The following LPCAT2 variants were observed in gnomAD, a reference collection of about 807,000 sequenced individuals.
LPCAT2 encodes the protein 1-AGP acyltransferase 11.
A neutral mutation model predicts 64.7 loss-of-function variants in LPCAT2; 58 were observed. The ratio of observed to expected loss-of-function variants is 0.90; its 90% confidence interval spans 0.73 to 1.12. LPCAT2 has a LOEUF of 1.12. Ranked by LOEUF, LPCAT2 falls within the 50% of genes most tolerant of loss-of-function variation. The pLI, the probability that LPCAT2 is intolerant of heterozygous loss-of-function variation, is 0.00. For missense variants in LPCAT2, 579 were observed against 669.8 expected, an observed-to-expected ratio of 0.86 and a Z score of 1.50; for synonymous variants, 252 against 245.3, an observed-to-expected ratio of 1.03 and a Z score of -0.26.
chr16:55,579,341 T>TGTC, intron 13 of LPCAT2, 97 bp downstream of exon 13: 1 of 1,138,642 alleles, frequency 8.8e-7, no homozygotes, highest in South Asian at 1.6e-5. Context: ...ACTAATTACA[T>TGTC]TAATAATAGA....
intron 1 of LPCAT2, among the ~76,000 whole-genome samples, chr16:55,524,482 A>T (rs1963140846): frequency 6.6e-6 from 1 of 152,014 alleles, no homozygotes; most frequent in African/African-American, 2.4e-5. Context: ...AGTGGTGGTT[A>T]CATGAGTATA....
At chr16:55,549,193 T>G in intron 9 of LPCAT2, 84 bp from the exon 10 acceptor site, 1 of 1,127,534 alleles carries the variant, frequency 8.9e-7, no homozygotes, top group Non-Finnish European at 1.3e-6. Context: ...TTGCTGTCGT[T>G]TGGAACCAGT....
intron 3 of LPCAT2, 86 bp from the exon 4 acceptor site, chr16:55,529,749 A>G: frequency 2.0e-6 from 1 of 499,082 alleles, no homozygotes; most frequent in Non-Finnish European, 3.5e-6. Context: ...TAAATTTTCC[A>G]TACAATATGT....
intron 4 of LPCAT2, among the ~76,000 whole-genome samples, chr16:55,530,312 A>G (rs1253200812): frequency 4.6e-5 from 7 of 152,118 alleles, no homozygotes; most frequent in African/African-American, 1.7e-4. Flanking sequence ...ATATTTTAGA[A>G]GCTTAATTAT....
chr16:55,509,705 C>T (rs1363631956), intron 1 of LPCAT2, among the ~76,000 whole-genome samples: 2 of 151,926 alleles, frequency 1.3e-5, no homozygotes, highest in Non-Finnish European at 2.9e-5. Flanking sequence ...GAGGAGAGGA[C>T]TTCTGAGGGG....
Position 55,525,629 on chromosome 16 carries a change from C to T in LPCAT2, c.293C>T (p.Pro98Leu). ...TVCCPEKLTH[P>L]ITGWRRKITQ... is the part of the protein sequence containing the mutation. ...TGCTGTCCTGAAAAGCTGACCCACCCAATAACTGGTTGGAGGAGGTAAGAA... is the reference window on the plus strand; with the variant it reads ...TGCTGTCCTGAAAAGCTGACCCACCTAATAACTGGTTGGAGGAGGTAAGAA... The change falls in exon 2 of 14, where the codon CCA becomes CTA. Residue 98 changes from proline to leucine, a missense_variant. Coordinates refer to ENST00000262134, the MANE Select transcript of LPCAT2 (RefSeq NM_017839.5). The T allele has an allele frequency of 6.2e-7, 1 of 1,606,122 alleles. No individual in the cohort carries two copies. The highest frequency in any genetic ancestry group is 8.5e-7 in the Non-Finnish European group (1 of 1,176,428).
At chr16:55,563,211 C>T (rs1963655971) in intron 11 of LPCAT2, among the ~76,000 whole-genome samples, 2 of 151,818 alleles carry the variant, frequency 1.3e-5, no homozygotes, top group African/African-American at 2.4e-5. Context: ...CTATAACTAG[C>T]AAAGATATTG....
chr16:55,558,070 T>C (rs1462900318), intron 11 of LPCAT2, among the ~76,000 whole-genome samples: 3 of 152,230 alleles, frequency 2.0e-5, no homozygotes, highest in Non-Finnish European at 4.4e-5. Context: ...TTTCATGAAC[T>C]TGTTCTTAAC....
At chr16:55,579,484 C>T (rs548366016) in intron 13 of LPCAT2, among the ~76,000 whole-genome samples, 2 of 152,156 alleles carry the variant, frequency 1.3e-5, no homozygotes, top group Non-Finnish European at 2.9e-5. Context: ...ATCTTTATAG[C>T]AAGCCTATCT....
At chr16:55,540,208 G>A (rs1040906319) in intron 8 of LPCAT2, 3 of 151,952 alleles carry the variant, frequency 2.0e-5, no homozygotes, top group South Asian at 4.2e-4. Flanking sequence ...TTATTTTCTC[G>A]ACTCTTGGAT....
intron 1 of LPCAT2, among the ~76,000 whole-genome samples, chr16:55,521,653 A>G (rs1463713555): frequency 6.6e-6 from 1 of 151,816 alleles, no homozygotes; most frequent in African/African-American, 2.4e-5. Flanking sequence ...AATTTATCTT[A>G]TATCAGGAAT....
intron 1 of LPCAT2, among the ~76,000 whole-genome samples, chr16:55,511,700 A>G (rs12443559): frequency 0.48 from 72,764 of 151,660 alleles, 18,053 homozygotes; most frequent in Non-Finnish European, 0.55. Context: ...TTACTGTTAG[A>G]CACTATTATT....
At chr16:55,576,138 T>C (rs1963824978) in intron 12 of LPCAT2, among the ~76,000 whole-genome samples, 1 of 151,948 alleles carries the variant, frequency 6.6e-6, no homozygotes, top group Non-Finnish European at 1.5e-5. Flanking sequence ...TAGACCTTGG[T>C]TTGGGGAAGG....
chr16:55,546,471 G>C (rs1450633073), intron 9 of LPCAT2, among the ~76,000 whole-genome samples: 5 of 152,126 alleles, frequency 3.3e-5, no homozygotes, highest in African/African-American at 1.2e-4. Flanking sequence ...CCAGTAGTAG[G>C]TTTGGAGCTA....
intron 1 of LPCAT2, among the ~76,000 whole-genome samples, chr16:55,509,569 C>T (rs559354982): frequency 2.8e-5 from 4 of 140,722 alleles, no homozygotes; most frequent in African/African-American, 1.1e-4. Context: ...GAGCCAGGGT[C>T]TGGGGCGGGT....
At chr16:55,564,443 C>A (rs1243513895) in intron 11 of LPCAT2, among the ~76,000 whole-genome samples, 1 of 151,902 alleles carries the variant, frequency 6.6e-6, no homozygotes, top group East Asian at 1.9e-4. Flanking sequence ...TCATTTCAAA[C>A]CTTACTTCAA....
intron 11 of LPCAT2, among the ~76,000 whole-genome samples, chr16:55,555,877 T>TGATCTCA: frequency 6.6e-6 from 1 of 152,336 alleles, no homozygotes; most frequent in East Asian, 1.9e-4. Context: ...TGCAGTGGCA[T>TGATCTCA]GATCTCAGCT....
chr16:55,557,921 G>A (rs1433642757), intron 11 of LPCAT2, among the ~76,000 whole-genome samples: 2 of 152,152 alleles, frequency 1.3e-5, no homozygotes, highest in East Asian at 1.9e-4. Context: ...CAGTTTGAAG[G>A]CCCAACAAAA....
chr16:55,575,544 C>T (rs1261078104), intron 12 of LPCAT2, among the ~76,000 whole-genome samples: 1 of 152,122 alleles, frequency 6.6e-6, no homozygotes, highest in Non-Finnish European at 1.5e-5. Flanking sequence ...CACGTAGTTT[C>T]CTTGCTTTTG....
Sources: gnomAD v4.1 joint callset for allele counts (sites outside exome capture counted in the v4.1 genomes callset) on GRCh38, gnomAD v4.1.1 for gene constraint, MANE v1.5 for transcripts, NCBI Gene and HGNC (gene_info 2026-07-23, HGNC 2026-07-21) for gene names.